Variants in ZIM3 observed in about 807,000 individuals in gnomAD.
The protein encoded by ZIM3 is zinc finger imprinted 3.
ZIM3 carries 11 observed loss-of-function variants against 12.9 expected under a neutral mutation model. The ratio of observed to expected loss-of-function variants is 0.85; its 90% CI spans 0.54 to 1.41. The LOEUF (loss-of-function observed/expected upper bound fraction) is 1.41. Among genes scored for constraint, ZIM3 ranks in the 40% most tolerant of loss-of-function variants. ZIM3 has a pLI of 0.00. For synonymous variants in ZIM3, 205 were observed against 198.5 expected (o/e 1.03, Z -0.28); for missense variants, 604 against 557.2 (o/e 1.08, Z -0.85).
chr19:57,136,131 C>A (rs116701236), intron 4 of ZIM3, 36 bp from the exon 5 acceptor site: 46 of 1,548,176 alleles, frequency 3.0e-5, no homozygotes, highest in Non-Finnish European at 4.0e-5. Context: ...CTGTGTAAAA[C>A]GTTCCACTCA....
intron 4 of ZIM3, among the ~76,000 whole-genome samples, 163 bp downstream of exon 4, chr19:57,136,708 ACC>A (rs1394533650): frequency 6.6e-6 from 1 of 152,010 alleles, no homozygotes; most frequent in Admixed American, 6.6e-5. Context: ...GCAAAGGAAA[ACC>A]CAGATAAGAA....
intron 3 of ZIM3, among the ~76,000 whole-genome samples, chr19:57,137,550 A>C (rs997730924): frequency 6.6e-5 from 10 of 151,378 alleles, no homozygotes; most frequent in East Asian, 3.9e-4. Flanking sequence ...CCATCTGTGC[A>C]AAAAATACAA....
chr19:57,135,398 T>C lies in ZIM3; in HGVS notation c.939A>G (p.Gly313=). The change falls in exon 5 of 5, where the codon GGA becomes GGG. Residue 313 remains glycine (G), a synonymous_variant. Transcript: ENST00000269834. ...GQKPFQCTDC[G]KAFIYKSDLV... is the part of the protein sequence containing the mutation. ...GATCTGACTTGTAAATGAAAGCCTT[T>C]CCACAGTCCGTACATTGAAAGGGTT... 6.2e-7 allele frequency: 1 copy of C among 1,614,130 alleles called. No homozygotes were observed. The highest frequency in any genetic ancestry group is 8.5e-7 in the Non-Finnish European group (1 of 1,179,990).
chr19:57,136,361 T>C (rs1314343399), intron 4 of ZIM3, among the ~76,000 whole-genome samples: 1 of 151,612 alleles, frequency 6.6e-6, no homozygotes, highest in Non-Finnish European at 1.5e-5. Flanking sequence ...GAGAGGGAGA[T>C]TAAGAAAGAG....
rs2086886149 is a variant in ZIM3 at position 57,136,196 on chromosome 19, A to G, written c.242-101T>C. 5.3e-6 allele frequency: 6 copies of G among 1,133,134 alleles called. No individual in the cohort carries two copies. In the South Asian group the frequency reaches 9.1e-5, roughly 17 times the overall value. 70.2% of individuals were successfully genotyped at this position (1,133,134 alleles called of 1,614,324 possible). A position where few individuals can be genotyped will look rare whatever the true frequency, so the allele number is the denominator to read the frequency against. On this transcript the variant is annotated intron_variant, in intron 4 of 4. Coordinates refer to ENST00000269834, the MANE Select transcript of ZIM3 (RefSeq NM_052882.1). ...CTATTGTGGTGATTATTCTGGCTTC[A>G]AACCTAATGTCTACGAGAAACCAAA...
chr19:57,144,050 A>AT (rs2086926729), intron 1 of ZIM3, among the ~76,000 whole-genome samples: 1 of 151,370 alleles, frequency 6.6e-6, no homozygotes, highest in Admixed American at 6.6e-5. Context: ...TAAAGTTTTT[A>AT]TTTTTTATTT....
rs1485483236 is a variant in ZIM3, at chr19:57,142,683, G to A, written c.-40C>T. The A allele has an allele frequency of 6.2e-7, 1 of 1,609,808 alleles. No homozygotes were observed. Among genetic ancestry groups the A allele is most frequent in the East Asian group, 2.2e-5 (1 of 44,850 alleles). On this transcript the variant is annotated splice_region_variant and 5_prime_UTR_variant, in exon 2 of 5. Coordinates refer to ENST00000269834, the MANE Select transcript of ZIM3 (RefSeq NM_052882.1). The stretch of plus-strand genomic sequence containing the variant: ...CAGTCAGTAAAGTCTTGGGAAGGCA[G>A]ATCTGAGGGAAAATGGAAAAGAACC...
In ZIM3 at chr19:57,134,992, A is replaced by G; in HGVS notation, c.1345T>C (p.Cys449Arg). 1 of 1,614,166 alleles carries G rather than the reference A, an allele frequency of 6.2e-7. No homozygotes were observed. Among genetic ancestry groups the G allele is most frequent in the Non-Finnish European group, 8.5e-7 (1 of 1,180,034 alleles). The change falls in exon 5 of 5, where the codon TGT (cysteine) becomes CGT (arginine). Residue 449 changes from cysteine (C) to arginine (R), a missense_variant. By Grantham distance (180) the Cys-to-Arg change is radical. Coordinates refer to ENST00000269834, the MANE Select transcript of ZIM3 (RefSeq NM_052882.1). The stretch of plus-strand genomic sequence containing the variant: ...GCGAAGGCTTTACCGCATTCAGAAC[A>G]TCCATAAGGTTTTTGTCCAGTATGG... ...KTHTGQKPYG[C>R]SECGKAFADR...
chr19:57,144,343 C>G (rs1410487479), intron 1 of ZIM3, among the ~76,000 whole-genome samples: 1 of 152,104 alleles, frequency 6.6e-6, no homozygotes, highest in African/African-American at 2.4e-5. Flanking sequence ...AGCCACCACA[C>G]CAGCCAGGAA....
intron 1 of ZIM3, among the ~76,000 whole-genome samples, chr19:57,143,833 G>A (rs1477335399): frequency 1.3e-5 from 2 of 151,420 alleles, no homozygotes; most frequent in Non-Finnish European, 2.9e-5. Context: ...GCACCACCAT[G>A]CCCAGCTAAT....
At chr19:57,140,155 A>T (rs8107902) in intron 2 of ZIM3, among the ~76,000 whole-genome samples, 46,582 of 151,966 alleles carry the variant, frequency 0.31, 8,776 homozygotes, top group African/African-American at 0.51. Flanking sequence ...TCGCTTTTTT[A>T]AAATTTTGTT....
At chr19:57,136,615 G>C (rs2049522505) in intron 4 of ZIM3, among the ~76,000 whole-genome samples, 1 of 146,974 alleles carries the variant, frequency 6.8e-6, no homozygotes, top group Admixed American at 7.0e-5. Flanking sequence ...AGTGAGCCCA[G>C]ATCGCGCCAC....
intron 3 of ZIM3, among the ~76,000 whole-genome samples, chr19:57,137,850 G>GGAAAGAAGGAAGGAAGGAAGGAAA (rs1196445097): frequency 4.4e-5 from 1 of 22,800 alleles, no homozygotes; most frequent in Non-Finnish European, 7.7e-5. Flanking sequence ...AAGGAAGGAA[G>GGAAAGAAGGAAGGAAGGAAGGAAA]GAAGGAAGGA....
At chr19:57,142,907 G>A (rs1366122030) in intron 1 of ZIM3, among the ~76,000 whole-genome samples, 2 of 151,996 alleles carry the variant, frequency 1.3e-5, no homozygotes, top group Non-Finnish European at 2.9e-5. Context: ...AAAGAAGAAA[G>A]TGCAAGCCAG....
At position 57,138,058 on chromosome 19, in the gene ZIM3, G is replaced by GGAAGGAAGGAAGGAAGGAAA. The variant is rs2086897345; in HGVS notation, c.142+394_142+413dup. Among the ~76,000 whole-genome samples the GGAAGGAAGGAAGGAAGGAAA allele has an allele frequency of 7.4e-4, 33 of 44,630 alleles. 8 individuals carry two copies. The highest frequency in any genetic ancestry group is 9.6e-4 in the Non-Finnish European group (22 of 22,944). 29.3% of individuals were successfully genotyped at this position (44,630 alleles called of 152,430 possible). A position where few individuals can be genotyped will look rare whatever the true frequency, so the allele number is the denominator to read the frequency against. On this transcript the variant is annotated intron_variant, in intron 3 of 4. Coordinates refer to ENST00000269834, the MANE Select transcript of ZIM3 (RefSeq NM_052882.1). ...AAGAAGGAAGGAAGGAAGGAAAGAAGGAAGGAAGGAAGGAAGGAAAGAAGG... is the reference window on the plus strand; with the variant it reads ...AAGAAGGAAGGAAGGAAGGAAAGAAGGAAGGAAGGAAGGAAGGAAAGAAGGAAGGAAGGAAGGAAAGAAGG...
At position 57,139,682 on chromosome 19, in the gene ZIM3, A is replaced by C. The variant is rs148092957; in HGVS notation, c.16-1084T>G. Among the ~76,000 whole-genome samples, 670 of 152,170 alleles carry C rather than the reference A, an allele frequency of 4.4e-3. 4 individuals carry two copies. The highest frequency in any genetic ancestry group is 0.016 in the African/African-American group (644 of 41,524). On this transcript the variant is annotated intron_variant, in intron 2 of 4. Coordinates refer to ENST00000269834, the MANE Select transcript of ZIM3 (RefSeq NM_052882.1). ...GTGGAGGTTGCAGTGAGCTGAGATCACACCACTGCACTCCAGCCTGGGTGA... is the reference window on the plus strand; with the variant it reads ...GTGGAGGTTGCAGTGAGCTGAGATCCCACCACTGCACTCCAGCCTGGGTGA...
rs771389180 is a variant in ZIM3 at position 57,136,109 on chromosome 19, C to CA, written c.242-15dup. On this transcript the variant is annotated splice_polypyrimidine_tract_variant and intron_variant, in intron 4 of 4. Transcript: ENST00000269834. Reference sequence around the variant, plus strand: ...CCCCATTTTTTTCTAAAATGGAATACAAAAAAATGTCCTGTGTAAAACGTT... The same window carrying CA: ...CCCCATTTTTTTCTAAAATGGAATACAAAAAAAATGTCCTGTGTAAAACGTT... 13 of 1,589,600 alleles carry CA rather than the reference C, an allele frequency of 8.2e-6. No homozygotes were observed. Among genetic ancestry groups the CA allele is most frequent in the Admixed American group, 7.3e-5 (4 of 54,614 alleles).
At chr19:57,143,344 A>AGG (rs369066233) in intron 1 of ZIM3, among the ~76,000 whole-genome samples, 26,116 of 146,650 alleles carry the variant, frequency 0.18, 2,738 homozygotes, top group African/African-American at 0.28. Flanking sequence ...AAAAAAAAAA[A>AGG]AGAGAGAGAG....
chr19:57,142,381 A>G (rs915786519), intron 2 of ZIM3, among the ~76,000 whole-genome samples: 1 of 151,976 alleles, frequency 6.6e-6, no homozygotes, highest in Non-Finnish European at 1.5e-5. Context: ...AACTCAAGCG[A>G]TCCGCCTGCC....
Sources: gnomAD v4.1 joint callset for allele counts (sites outside exome capture counted in the v4.1 genomes callset) on GRCh38, gnomAD v4.1.1 for gene constraint, MANE v1.5 for transcripts, NCBI Gene and HGNC (gene_info 2026-07-23, HGNC 2026-07-21) for gene names.